ADGRL2: variants seen among roughly 807,000 people sequenced by gnomAD.
ADGRL2 encodes adhesion G protein-coupled receptor L2.
In ADGRL2, 44 loss-of-function variants were observed where a neutral mutation model predicts 157.4. That is an observed-to-expected ratio of 0.28 (90% CI 0.22 to 0.36). The LOEUF (loss-of-function observed/expected upper bound fraction) is 0.36. Ranked by LOEUF, ADGRL2 falls within the 10% of genes least tolerant of loss-of-function variation. The probability of loss-of-function intolerance (pLI) is 1.00; values close to 1 mark genes in which losing one functional copy is unlikely to be tolerated. For synonymous variants in ADGRL2, 585 were observed against 624.7 expected (o/e 0.94, Z 0.95); for missense variants, 1,510 against 1,768.9 (o/e 0.85, Z 2.63).
intron 1 of ADGRL2, among the ~76,000 whole-genome samples, chr1:81,819,939 G>A (rs2090813153): frequency 6.6e-6 from 1 of 152,078 alleles, no homozygotes; most frequent in African/African-American, 2.4e-5. Flanking sequence ...CTTCACTGCA[G>A]CTTTCTCTTT....
intron 1 of ADGRL2, among the ~76,000 whole-genome samples, chr1:81,376,942 T>C (rs146019447): frequency 8.1e-4 from 124 of 152,302 alleles, no homozygotes; most frequent in African/African-American, 2.8e-3. Flanking sequence ...ATCCCAGCAC[T>C]TTGAGAAACC....
chr1:81,778,844 C>G (rs1051538966), intron 2 of ADGRL2, among the ~76,000 whole-genome samples: 1 of 151,822 alleles, frequency 6.6e-6, no homozygotes, highest in Admixed American at 6.6e-5. Flanking sequence ...ATACTTTGTA[C>G]CTAAGTTCTT....
rs546421641 is a variant in ADGRL2 at position 81,778,230 on chromosome 1, G to T, written c.-101+16378G>T. On this transcript the variant is annotated intron_variant, in intron 2 of 20. Transcript: ENST00000359929. ...CCAGCTCCTCGGGGAGGCTGAGCAGGAGAATGGCGTGAACTCGGGAGGCGG... is the reference window on the plus strand; with the variant it reads ...CCAGCTCCTCGGGGAGGCTGAGCAGTAGAATGGCGTGAACTCGGGAGGCGG... Among the ~76,000 whole-genome samples the T allele has an allele frequency of 5.3e-5, 8 of 151,856 alleles. No individual in the cohort carries two copies. The East Asian group carries it at 1.6e-3, about 30-fold the overall frequency.
At chr1:81,614,350 T>C (rs966498585) in intron 3 of ADGRL2, among the ~76,000 whole-genome samples, 5 of 152,226 alleles carry the variant, frequency 3.3e-5, no homozygotes, top group African/African-American at 1.2e-4. Flanking sequence ...CTCACTGTGC[T>C]CTTCAATACA....
chr1:81,972,721 G>T (rs1313422475), intron 17 of ADGRL2, among the ~76,000 whole-genome samples: 3 of 151,554 alleles, frequency 2.0e-5, no homozygotes, highest in African/African-American at 7.3e-5. Flanking sequence ...GGCTAGCCTG[G>T]ACTTCATAGC....
At chr1:81,820,067 C>T (rs1395882186) in intron 1 of ADGRL2, among the ~76,000 whole-genome samples, 1 of 152,184 alleles carries the variant, frequency 6.6e-6, no homozygotes, top group Non-Finnish European at 1.5e-5. Flanking sequence ...TTCAGCTCTT[C>T]ATACCCAGCA....
chr1:81,390,991 C>T (rs1246422366), intron 1 of ADGRL2, among the ~76,000 whole-genome samples: 1 of 152,416 alleles, frequency 6.6e-6, no homozygotes, highest in African/African-American at 2.4e-5. Flanking sequence ...CAAATACAAA[C>T]ACTCATGGAA....
intron 3 of ADGRL2, among the ~76,000 whole-genome samples, chr1:81,932,445 A>G (rs1043188205): frequency 2.0e-5 from 3 of 152,220 alleles, no homozygotes; most frequent in Non-Finnish European, 4.4e-5. Context: ...CTCTTACATA[A>G]GTTGTACTCA....
chr1:81,658,262 A>G (rs1373800893), intron 3 of ADGRL2, among the ~76,000 whole-genome samples: 1 of 151,920 alleles, frequency 6.6e-6, no homozygotes, highest in Non-Finnish European at 1.5e-5. Context: ...CGCTCAGCTA[A>G]TTTTGTATTT....
upstream of ADGRL2, among the ~76,000 whole-genome samples, chr1:81,800,083 G>C (rs2087819929): frequency 6.6e-6 from 1 of 152,072 alleles, no homozygotes; most frequent in Non-Finnish European, 1.5e-5. Context: ...AAGAGCAAAG[G>C]CAGTTTCAAT....
At position 81,591,074 on chromosome 1, in the gene ADGRL2, C is replaced by T. The variant is rs933261646; in HGVS notation, c.-143+10094C>T. ...CTAGCTGGGTCATGCTGAAATGTGG[C>T]CCAAATTATCAGTCTGACTTCCATG... On this transcript the variant is annotated intron_variant, in intron 3 of 24. Transcript: ENST00000370721. Among the ~76,000 whole-genome samples the T allele has an allele frequency of 3.3e-5, 5 of 152,120 alleles. 1 individual carries two copies. Among genetic ancestry groups the T allele is most frequent in the Admixed American group, 3.3e-4 (5 of 15,272 alleles).
At chr1:81,361,015 C>T (rs912172060) in intron 1 of ADGRL2, among the ~76,000 whole-genome samples, 5 of 151,818 alleles carry the variant, frequency 3.3e-5, no homozygotes, top group African/African-American at 1.2e-4. Flanking sequence ...CTCCCAGCCC[C>T]CATAAGAAGA....
intron 1 of ADGRL2, among the ~76,000 whole-genome samples, chr1:81,814,671 C>T (rs934519751): frequency 2.6e-5 from 4 of 151,204 alleles, no homozygotes; most frequent in African/African-American, 9.7e-5. Flanking sequence ...ATATTAGTGT[C>T]ATTTTGCCTG....
chr1:81,441,046 G>GT (rs1225575472), intron 1 of ADGRL2, among the ~76,000 whole-genome samples: 1 of 152,002 alleles, frequency 6.6e-6, no homozygotes, highest in African/African-American at 2.4e-5. Flanking sequence ...CTCAATCCCT[G>GT]TTTTGTGTGA....
At chr1:81,420,207 T>C (rs1570918701) in intron 1 of ADGRL2, among the ~76,000 whole-genome samples, 1 of 152,210 alleles carries the variant, frequency 6.6e-6, no homozygotes, top group African/African-American at 2.4e-5. Flanking sequence ...TAAAGCATTC[T>C]ATTTGATAAC....
At chr1:81,468,151 C>A (rs181367725) in intron 2 of ADGRL2, among the ~76,000 whole-genome samples, 1 of 152,172 alleles carries the variant, frequency 6.6e-6, no homozygotes, top group African/African-American at 2.4e-5. Context: ...TGATGAAGTT[C>A]TCCATTATAT....
chr1:81,953,750 T>C (rs1557989614), intron 10 of ADGRL2, among the ~76,000 whole-genome samples: 1 of 152,174 alleles, frequency 6.6e-6, no homozygotes, highest in Non-Finnish European at 1.5e-5. Flanking sequence ...TGTTTTGTTC[T>C]CTGAATTTTA....
intron 1 of ADGRL2, among the ~76,000 whole-genome samples, chr1:81,715,309 A>G (rs1032049100): frequency 6.6e-6 from 1 of 151,902 alleles, no homozygotes; most frequent in Admixed American, 6.6e-5. Context: ...TTTTAATTCT[A>G]AAGAGACATA....
chr1:81,470,017 AC>A (rs2078138220), intron 2 of ADGRL2, among the ~76,000 whole-genome samples: 2 of 152,212 alleles, frequency 1.3e-5, no homozygotes, highest in South Asian at 4.1e-4. Flanking sequence ...CGATTCTGCA[AC>A]ATGGATGACC....
Sources: gnomAD v4.1 joint callset for allele counts (sites outside exome capture counted in the v4.1 genomes callset) on GRCh38, gnomAD v4.1.1 for gene constraint, MANE v1.5 for transcripts, NCBI Gene and HGNC (gene_info 2026-07-23, HGNC 2026-07-21) for gene names.